Variants in CSMD1 observed in about 807,000 individuals in gnomAD.
CSMD1 encodes CUB and Sushi multiple domains 1, also known as CUB and sushi domain-containing protein 1.
Under a neutral mutation model 417.5 loss-of-function variants are expected in CSMD1, and 213 were observed. The ratio of observed to expected loss-of-function variants is 0.51; its 90% CI spans 0.46 to 0.57. CSMD1 has a LOEUF of 0.57. Ranked by LOEUF, CSMD1 falls within the 20% of genes least tolerant of loss-of-function variation. The pLI, the probability that CSMD1 is intolerant of heterozygous loss-of-function variation, is 0.00. For missense variants in CSMD1, 6,923 were observed against 4,529.7 expected, an observed-to-expected ratio of 1.53 and a Z score of -15.17; for synonymous variants, 2,862 against 1,736.8, an observed-to-expected ratio of 1.65 and a Z score of -16.11.
chr8:4,119,121 A>G (rs116014384), intron 3 of CSMD1, among the ~76,000 whole-genome samples: 8,850 of 152,236 alleles, frequency 0.058, 363 homozygotes, highest in South Asian at 0.096. Context: ...GGAGATCATT[A>G]GGGAACGTAC....
chr8:4,933,143 T>G (rs1356598858), intron 1 of CSMD1, among the ~76,000 whole-genome samples: 2 of 152,168 alleles, frequency 1.3e-5, no homozygotes, highest in Non-Finnish European at 2.9e-5. Flanking sequence ...TGGTATATGT[T>G]TTTCTTTTTT....
At chr8:4,407,417 A>G (rs1338632424) in intron 3 of CSMD1, among the ~76,000 whole-genome samples, 1 of 152,226 alleles carries the variant, frequency 6.6e-6, no homozygotes, top group East Asian at 1.9e-4. Context: ...GGTTGCTGCA[A>G]ATTCAAACAA....
At chr8:3,934,050 A>G (rs1810323259) in intron 5 of CSMD1, among the ~76,000 whole-genome samples, 1 of 152,196 alleles carries the variant, frequency 6.6e-6, no homozygotes, top group South Asian at 2.1e-4. Flanking sequence ...TCTGCTCTAC[A>G]CTGAGTATCA....
At chr8:3,174,001 C>A (rs1210755591) in intron 37 of CSMD1, among the ~76,000 whole-genome samples, 1 of 152,104 alleles carries the variant, frequency 6.6e-6, no homozygotes, top group Non-Finnish European at 1.5e-5. Flanking sequence ...ATACTTCCTT[C>A]TAAGTACCTG....
At chr8:4,486,124 T>TATATATATATATACATAC (rs1396140215) in intron 2 of CSMD1, among the ~76,000 whole-genome samples, 6 of 39,424 alleles carry the variant, frequency 1.5e-4, no homozygotes, top group Non-Finnish European at 2.2e-4. Context: ...TATACATACA[T>TATATATATATATACATAC]ATATATATAT....
chr8:4,745,636 G>C (rs932089499), intron 1 of CSMD1, among the ~76,000 whole-genome samples: 2 of 152,188 alleles, frequency 1.3e-5, no homozygotes, highest in Non-Finnish European at 2.9e-5. Flanking sequence ...AGAGAGAGTA[G>C]AGAGAAGTAG....
intron 30 of CSMD1, among the ~76,000 whole-genome samples, chr8:3,207,242 G>T (rs554486176): frequency 1.4e-5 from 2 of 145,880 alleles, no homozygotes; most frequent in South Asian, 2.2e-4. Context: ...CGCCACCCGG[G>T]TTCAAACGAT....
rs1476802098 is a variant in CSMD1, at chr8:3,472,699, T to C, written c.1449-3875A>G. 3.9e-5 allele frequency among the ~76,000 whole-genome samples: 6 copies of C among 152,154 alleles called. No homozygotes were observed. The East Asian group carries it at 1.2e-3, about 29-fold the overall frequency. ...TGCCATTTGTTATTGCCCTAAGTCG[T>C]CATCATTTTTCTCAAGCCCATTCCC... On this transcript the variant is annotated intron_variant, in intron 11 of 69. Transcript: ENST00000635120.
chr8:3,225,549 G>GT (rs1798451580), intron 27 of CSMD1, among the ~76,000 whole-genome samples: 1 of 152,230 alleles, frequency 6.6e-6, no homozygotes, highest in South Asian at 2.1e-4. Flanking sequence ...GAGAAAGAAG[G>GT]TACCTGAAGG....
chr8:3,314,749 T>C (rs1805617621), intron 23 of CSMD1, among the ~76,000 whole-genome samples: 2 of 152,072 alleles, frequency 1.3e-5, no homozygotes, highest in Non-Finnish European at 2.9e-5. Flanking sequence ...TTAAATCCTA[T>C]GTATCTTCTA....
intron 2 of CSMD1, among the ~76,000 whole-genome samples, chr8:4,552,127 G>A (rs1170425219): frequency 2.6e-5 from 4 of 152,128 alleles, no homozygotes; most frequent in African/African-American, 7.2e-5. Context: ...TGTCTTAGAA[G>A]GCACAAAATC....
intron 3 of CSMD1, among the ~76,000 whole-genome samples, chr8:4,286,201 C>G (rs1797046951): frequency 1.3e-5 from 2 of 152,170 alleles, no homozygotes; most frequent in Non-Finnish European, 2.9e-5. Flanking sequence ...TTTCTCCCGA[C>G]TGCAAACTCT....
intron 7 of CSMD1, among the ~76,000 whole-genome samples, chr8:3,630,039 A>T (rs1254554844): frequency 3.6e-5 from 5 of 137,522 alleles, no homozygotes; most frequent in Non-Finnish European, 6.3e-5. Context: ...AACATTTCAA[A>T]TGATTACTTT....
intron 26 of CSMD1, among the ~76,000 whole-genome samples, chr8:3,266,483 G>A (rs552371653): frequency 6.6e-6 from 1 of 151,454 alleles, no homozygotes; most frequent in East Asian, 2.0e-4. Context: ...GTAGGCACCT[G>A]TAATCCCAGC....
chr8:3,980,723 G>A (rs1176971706), intron 5 of CSMD1, among the ~76,000 whole-genome samples: 4 of 152,174 alleles, frequency 2.6e-5, no homozygotes, highest in East Asian at 3.9e-4. Flanking sequence ...CAAGAAGTAA[G>A]AAGCCCCCAC....
intron 25 of CSMD1, among the ~76,000 whole-genome samples, chr8:3,291,862 C>CAAA (rs1563233146): frequency 1.8e-4 from 28 of 152,172 alleles, no homozygotes; most frequent in Admixed American, 1.6e-3. Context: ...TTCTTGCCTT[C>CAAA]TGCTAGCTTT....
At chr8:4,310,948 T>C (rs928229234) in intron 3 of CSMD1, among the ~76,000 whole-genome samples, 5 of 152,172 alleles carry the variant, frequency 3.3e-5, no homozygotes, top group African/African-American at 1.2e-4. Flanking sequence ...AAAACCTCAG[T>C]GAGATACTAT....
intron 2 of CSMD1, among the ~76,000 whole-genome samples, chr8:4,495,959 T>C (rs1801958190): frequency 1.3e-5 from 2 of 152,328 alleles, no homozygotes; most frequent in East Asian, 1.9e-4. Flanking sequence ...AAGGTCTAAG[T>C]ACTCCAAAGT....
chr8:3,475,528 G>C (rs1199830575), intron 11 of CSMD1, among the ~76,000 whole-genome samples: 1 of 152,132 alleles, frequency 6.6e-6, no homozygotes, highest in Non-Finnish European at 1.5e-5. Context: ...ATTAATTCAC[G>C]TGTGATTTTA....
Sources: gnomAD v4.1 joint callset for allele counts (sites outside exome capture counted in the v4.1 genomes callset) on GRCh38, gnomAD v4.1.1 for gene constraint, MANE v1.5 for transcripts, NCBI Gene and HGNC (gene_info 2026-07-23, HGNC 2026-07-21) for gene names.